RTN3: variants seen among roughly 807,000 people sequenced by gnomAD.
RTN3 encodes the protein reticulon 3, also known as reticulon-3.
RTN3 carries 49 observed loss-of-function variants against 77.8 expected under a neutral mutation model. The observed-to-expected ratio is 0.63, with a 90% CI of 0.50 to 0.80. The LOEUF (loss-of-function observed/expected upper bound fraction) is 0.80, where lower values mean the gene tolerates loss of function less well. Ranked by LOEUF, RTN3 falls within the 30% of genes least tolerant of loss-of-function variation. The pLI, the probability that RTN3 is intolerant of heterozygous loss-of-function variation, is 0.00. For missense variants in RTN3, 1,236 were observed against 1,211.9 expected (o/e 1.02, Z -0.29); for synonymous variants, 464 against 446.9 (o/e 1.04, Z -0.48).
rs1372968863 is a variant in RTN3, at chr11:63,746,437, AG to A, written c.2531-3553del. ...TTCTGCCTCTTTACCCCTACTTTGG[AG>A]TGTGTTTCCATTGAACAAAACATCT... On this transcript the variant is annotated intron_variant, in intron 3 of 8. Coordinates refer to ENST00000377819, the MANE Select transcript of RTN3 (RefSeq NM_001265589.2). Among the ~76,000 whole-genome samples the A allele has an allele frequency of 2.6e-5, 4 of 152,116 alleles. No homozygotes were observed. In the East Asian group the frequency reaches 5.8e-4, roughly 22 times the overall value.
At chr11:63,684,129 G>GTTTTTTTT (rs61663789) in intron 1 of RTN3, among the ~76,000 whole-genome samples, 13 of 85,252 alleles carry the variant, frequency 1.5e-4, no homozygotes, top group South Asian at 4.4e-4. Context: ...TTTTCTTTTG[G>GTTTTTTTT]TTTTTTTTTT....
rs201862583 is a variant in RTN3 at position 63,720,885 on chromosome 11, C to T, written c.2383C>T (p.Arg795Cys). The stretch of plus-strand genomic sequence containing the variant: ...ACAGAGATCATATGACATCCTAGAA[C>T]GTAATGTCAAGAATGGATCTGATCT... Reference protein sequence around the residue: ...WPQRSYDILERNVKNGSDLGI... With the variant: ...WPQRSYDILECNVKNGSDLGI... Residue 795 changes from arginine to cysteine, a missense_variant, in exon 3 of 9, where the codon CGT becomes TGT. Arg to Cys is a radical substitution (Grantham distance 180). Coordinates refer to ENST00000377819, the MANE Select transcript of RTN3 (RefSeq NM_001265589.2). 757 of 1,614,032 alleles carry T rather than the reference C, an allele frequency of 4.7e-4. 1 individual carries two copies. The highest frequency in any genetic ancestry group is 8.2e-4 in the Middle Eastern group (5 of 6,062).
intron 4 of RTN3, among the ~76,000 whole-genome samples, chr11:63,751,102 C>G (rs1380674132): frequency 6.6e-6 from 1 of 151,392 alleles, no homozygotes; most frequent in African/African-American, 2.4e-5. Context: ...CTCCTGACCT[C>G]GTGATCCACC....
intron 1 of RTN3, among the ~76,000 whole-genome samples, chr11:63,685,025 G>T (rs1020298999): frequency 6.6e-6 from 1 of 152,242 alleles, no homozygotes; most frequent in Non-Finnish European, 1.5e-5. Flanking sequence ...CTCCCAAGGT[G>T]TTGGGATTAC....
intron 4 of RTN3, among the ~76,000 whole-genome samples, chr11:63,752,041 T>C (rs2014133638): frequency 6.6e-6 from 1 of 152,132 alleles, no homozygotes; most frequent in Non-Finnish European, 1.5e-5. Context: ...TTATGTGTTC[T>C]GGGCTGTTAA....
intron 1 of RTN3, among the ~76,000 whole-genome samples, chr11:63,695,413 C>T (rs1385800887): frequency 1.3e-5 from 2 of 152,120 alleles, no homozygotes; most frequent in South Asian, 2.1e-4. Flanking sequence ...ATTCTCCCCT[C>T]GAGGAGGTGG....
chr11:63,682,378 C>T (rs1431257337), intron 1 of RTN3, among the ~76,000 whole-genome samples: 1 of 151,880 alleles, frequency 6.6e-6, no homozygotes, highest in African/African-American at 2.4e-5. Flanking sequence ...CCATGAATGC[C>T]GGATTTTTCT....
intron 3 of RTN3, among the ~76,000 whole-genome samples, chr11:63,740,112 G>A (rs2013368703): frequency 6.6e-6 from 1 of 152,080 alleles, no homozygotes; most frequent in Non-Finnish European, 1.5e-5. Context: ...CATAGGTGAT[G>A]TATCATACTG....
rs764832586 is a variant in RTN3, at chr11:63,758,143, C to T, written c.3054-13C>T. On this transcript the variant is annotated splice_polypyrimidine_tract_variant and intron_variant, in intron 8 of 8. Transcript: ENST00000377819. ...TTTCACTTTCTTTCTTTTTCCCCTCCTTTTCTCAATAGGATCCAAGCAAAA... is the reference window on the plus strand; with the variant it reads ...TTTCACTTTCTTTCTTTTTCCCCTCTTTTTCTCAATAGGATCCAAGCAAAA... 1 of 1,554,390 alleles carries T rather than the reference C, an allele frequency of 6.4e-7. No homozygotes were observed. The highest frequency in any genetic ancestry group is 1.4e-5 in the African/African-American group (1 of 72,316).
chr11:63,748,915 G>A (rs573169347), intron 3 of RTN3, among the ~76,000 whole-genome samples: 10 of 151,770 alleles, frequency 6.6e-5, no homozygotes, highest in Non-Finnish European at 8.8e-5. Context: ...TGATCCGCCC[G>A]CCTTGGTCTC....
At chr11:63,713,291 A>AT (rs761180688) in intron 2 of RTN3, among the ~76,000 whole-genome samples, 5 of 152,102 alleles carry the variant, frequency 3.3e-5, no homozygotes, top group Non-Finnish European at 7.4e-5. Context: ...GGGATATGAC[A>AT]TTTTTTACCT....
chr11:63,727,709 G>A (rs916841367), intron 3 of RTN3, among the ~76,000 whole-genome samples: 3 of 152,154 alleles, frequency 2.0e-5, no homozygotes, highest in East Asian at 3.8e-4. Context: ...GCTCACGTCT[G>A]TAATCCCACC....
At chr11:63,741,428 C>CTGACCT (rs11281571) in intron 3 of RTN3, among the ~76,000 whole-genome samples, 16,556 of 151,760 alleles carry the variant, frequency 0.11, 1,013 homozygotes, top group South Asian at 0.16. Context: ...TCCCAAATTC[C>CTGACCT]TGACCTTAAG....
At chr11:63,742,492 A>G (rs2013543992) in intron 3 of RTN3, among the ~76,000 whole-genome samples, 2 of 151,610 alleles carry the variant, frequency 1.3e-5, no homozygotes, top group African/African-American at 4.8e-5. Flanking sequence ...CTAAAAATAC[A>G]AAATTAGCTG....
intron 2 of RTN3, among the ~76,000 whole-genome samples, chr11:63,712,584 C>T (rs1208549936): frequency 2.7e-5 from 4 of 148,300 alleles, no homozygotes; most frequent in African/African-American, 1.0e-4. Flanking sequence ...CTCCTGGGTT[C>T]AAGCGATTCT....
chr11:63,681,882 C>A, intron 1 of RTN3, 104 bp downstream of exon 1: 1 of 1,218,938 alleles, frequency 8.2e-7, no homozygotes, highest in Non-Finnish European at 1.1e-6. Context: ...TTACCCTCGA[C>A]TACTGACGGC....
Position 63,681,763 on chromosome 11 carries a change from A to G in RTN3, c.127A>G (p.Ser43Gly). Residue 43 changes from serine (S) to glycine (G), a missense_variant, in exon 1 of 9, where the codon AGC (serine) becomes GGC (glycine). Transcript: ENST00000377819. ...CCCCGCCCTGGGGACGAAGAGCTGC[A>G]GCTCCTCCTGTGCGGGTAAGGCGCG... ...ACPALGTKSC[S>G]SSCADSFVSS... 6.3e-7 allele frequency: 1 copy of G among 1,596,814 alleles called. No individual in the cohort carries two copies. The highest frequency in any genetic ancestry group is 1.1e-5 in the South Asian group (1 of 90,032).
chr11:63,710,630 T>G (rs1390478828), intron 2 of RTN3, among the ~76,000 whole-genome samples: 1 of 152,198 alleles, frequency 6.6e-6, no homozygotes, highest in Non-Finnish European at 1.5e-5. Context: ...TGACAGTGGC[T>G]CCTCCTGTGG....
At chr11:63,691,114 CTTTTTTTTTTTT>C (rs796809025) in intron 1 of RTN3, among the ~76,000 whole-genome samples, 4 of 91,878 alleles carry the variant, frequency 4.4e-5, no homozygotes, top group Non-Finnish European at 8.3e-5. Flanking sequence ...ATTGCTAATT[CTTTTTTTTTTTT>C]TTTTTTTTTT....
Sources: gnomAD v4.1 joint callset for allele counts (sites outside exome capture counted in the v4.1 genomes callset) on GRCh38, gnomAD v4.1.1 for gene constraint, MANE v1.5 for transcripts, NCBI Gene and HGNC (gene_info 2026-07-23, HGNC 2026-07-21) for gene names.